Variants in SNX18 observed in about 807,000 individuals in gnomAD.
SNX18 encodes sorting nexin 18.
In SNX18, 35 loss-of-function variants were observed where a neutral mutation model predicts 48.7. The observed-to-expected ratio is 0.72, with a 90% confidence interval of 0.55 to 0.95. The LOEUF is 0.95. Ranked by LOEUF, SNX18 falls within the 40% of genes least tolerant of loss-of-function variation. The pLI, the probability that SNX18 is intolerant of heterozygous loss-of-function variation, is 0.00. For missense variants in SNX18, 824 were observed against 871.0 expected, an observed-to-expected ratio of 0.95 and a Z score of 0.68; for synonymous variants, 492 against 384.7, an observed-to-expected ratio of 1.28 and a Z score of -3.26.
chr5:54,525,527 A>C (rs188354331), intron 1 of SNX18, among the ~76,000 whole-genome samples: 157 of 152,344 alleles, frequency 1.0e-3, no homozygotes, highest in Middle Eastern at 3.4e-3. Context: ...TATCTGCTTT[A>C]ATCAGTTCGC....
At chr5:54,638,751 A>T in the SNX18 span, among the ~76,000 whole-genome samples, 2 of 152,176 alleles carry the variant, frequency 1.3e-5, no homozygotes, top group African/African-American at 4.8e-5. Flanking sequence ...CTACCTGTAT[A>T]GATAAAGAAA....
the SNX18 span, among the ~76,000 whole-genome samples, chr5:54,640,467 C>T: frequency 5.9e-5 from 9 of 152,120 alleles, no homozygotes; most frequent in Admixed American, 3.3e-4. Flanking sequence ...AAGCAATCCA[C>T]CCACCTCTGC....
chr5:54,577,510 A>G, the SNX18 span, among the ~76,000 whole-genome samples: 1 of 152,146 alleles, frequency 6.6e-6, no homozygotes, highest in East Asian at 1.9e-4. Context: ...GCTTACTTTA[A>G]TTGAGGAGAA....
the SNX18 span, among the ~76,000 whole-genome samples, chr5:54,637,525 A>AGGTTCAGGGACAGGGAGT: frequency 6.6e-6 from 1 of 152,152 alleles, no homozygotes; most frequent in Non-Finnish European, 1.5e-5. Context: ...GGGGTAGGCT[A>AGGTTCAGGGACAGGGAGT]GGTTCAGGGA....
the SNX18 span, among the ~76,000 whole-genome samples, chr5:54,560,175 G>A: frequency 2.6e-5 from 4 of 152,258 alleles, no homozygotes; most frequent in East Asian, 7.7e-4. Flanking sequence ...ATACATGCAC[G>A]CATATGTTCA....
the SNX18 span, among the ~76,000 whole-genome samples, chr5:54,575,878 G>A: frequency 6.6e-6 from 1 of 152,006 alleles, no homozygotes; most frequent in Non-Finnish European, 1.5e-5. Context: ...TCAGTTTCCT[G>A]CCACTAGTCC....
chr5:54,647,665 T>C, the SNX18 span, among the ~76,000 whole-genome samples: 10 of 152,234 alleles, frequency 6.6e-5, no homozygotes, highest in East Asian at 1.7e-3. Context: ...GGGGGCAATA[T>C]TGAGGAGATT....
the SNX18 span, among the ~76,000 whole-genome samples, chr5:54,608,828 A>T: frequency 6.6e-6 from 1 of 152,224 alleles, no homozygotes; most frequent in African/African-American, 2.4e-5. Context: ...ATTCACACTC[A>T]GCCCTTGGTG....
At chr5:54,566,895 C>A in the SNX18 span, among the ~76,000 whole-genome samples, 95,594 of 152,024 alleles carry the variant, frequency 0.63, 30,222 homozygotes, top group Middle Eastern at 0.68. Flanking sequence ...AAATAGTCTA[C>A]GTTCATTACG....
At chr5:54,602,398 T>A in the SNX18 span, among the ~76,000 whole-genome samples, 2 of 152,094 alleles carry the variant, frequency 1.3e-5, no homozygotes, top group Non-Finnish European at 2.9e-5. Flanking sequence ...ATGTTGAGAT[T>A]CTAGGAGGGT....
chr5:54,583,733 T>A, the SNX18 span, among the ~76,000 whole-genome samples: 1 of 152,246 alleles, frequency 6.6e-6, no homozygotes, highest in Non-Finnish European at 1.5e-5. Flanking sequence ...GCTGGGTATG[T>A]AAGTAATGTA....
chr5:54,612,559 G>T, the SNX18 span, among the ~76,000 whole-genome samples: 1 of 152,174 alleles, frequency 6.6e-6, no homozygotes, highest in Non-Finnish European at 1.5e-5. Context: ...CACCGTGCCT[G>T]GCTGAGGGTG....
the SNX18 span, among the ~76,000 whole-genome samples, chr5:54,589,991 A>G: frequency 6.6e-6 from 1 of 152,102 alleles, no homozygotes; most frequent in South Asian, 2.1e-4. Flanking sequence ...TGCATTTACT[A>G]TGTTGCTCAG....
chr5:54,521,367 A>T (rs766971968), intron 1 of SNX18, among the ~76,000 whole-genome samples: 1 of 152,202 alleles, frequency 6.6e-6, no homozygotes, highest in Non-Finnish European at 1.5e-5. Context: ...TGTGTGTTCT[A>T]ATATCTATTT....
the SNX18 span, among the ~76,000 whole-genome samples, chr5:54,623,263 G>T: frequency 1.3e-5 from 2 of 152,290 alleles, no homozygotes; most frequent in East Asian, 3.9e-4. Flanking sequence ...TGAGAAGAGA[G>T]TTCAATTAGA....
At chr5:54,637,883 T>C in the SNX18 span, among the ~76,000 whole-genome samples, 4 of 152,168 alleles carry the variant, frequency 2.6e-5, no homozygotes, top group African/African-American at 9.7e-5. Flanking sequence ...GAGAGGCTTG[T>C]TCCAACCAGC....
At chr5:54,576,659 G>T in the SNX18 span, among the ~76,000 whole-genome samples, 1 of 152,164 alleles carries the variant, frequency 6.6e-6, no homozygotes, top group African/African-American at 2.4e-5. Context: ...TATTACAGTA[G>T]CAGTGTGAAC....
chr5:54,631,491 A>C, the SNX18 span, among the ~76,000 whole-genome samples: 1 of 152,248 alleles, frequency 6.6e-6, no homozygotes, highest in African/African-American at 2.4e-5. Flanking sequence ...AATGCTGGAT[A>C]TCATAGTCCA....
the SNX18 span, among the ~76,000 whole-genome samples, chr5:54,608,521 G>T: frequency 6.6e-6 from 1 of 152,128 alleles, no homozygotes; most frequent in African/African-American, 2.4e-5. Context: ...CAGGCATAAG[G>T]CACCACACCC....
Sources: allele counts gnomAD v4.1 joint callset (sites outside exome capture counted in the v4.1 genomes callset), GRCh38; gene constraint gnomAD v4.1.1; transcripts MANE v1.5; gene names NCBI Gene and HGNC (gene_info 2026-07-23, HGNC 2026-07-21).